Variants in KCNH8 observed in about 807,000 individuals in gnomAD.
KCNH8 encodes the protein potassium voltage-gated channel subfamily H member 8, also known as voltage-gated delayed rectifier potassium channel KCNH8.
Under a neutral mutation model 103.6 loss-of-function variants are expected in KCNH8, and 70 were observed. That is an observed-to-expected ratio of 0.68 (90% CI 0.56 to 0.82). KCNH8 has a LOEUF of 0.82. Among genes scored for constraint, KCNH8 ranks in the 40% least tolerant of loss-of-function variants. KCNH8 has a pLI of 0.00. For synonymous variants in KCNH8, 498 were observed against 489.4 expected (o/e 1.02, Z -0.23); for missense variants, 1,217 against 1,329.9 (o/e 0.92, Z 1.32).
intron 11 of KCNH8, among the ~76,000 whole-genome samples, chr3:19,472,887 C>G (rs1283873566): frequency 1.3e-5 from 2 of 152,106 alleles, no homozygotes; most frequent in African/African-American, 4.8e-5. Flanking sequence ...CTATTGTCAA[C>G]TGAATATTTA....
chr3:19,360,036 T>G (rs183400799), intron 5 of KCNH8, among the ~76,000 whole-genome samples: 2 of 152,136 alleles, frequency 1.3e-5, no homozygotes, highest in Admixed American at 1.3e-4. Context: ...GTTAAGTGAT[T>G]ACTCCAGAAT....
intron 11 of KCNH8, among the ~76,000 whole-genome samples, chr3:19,463,177 T>C (rs1045267944): frequency 6.6e-6 from 1 of 152,152 alleles, no homozygotes; most frequent in Non-Finnish European, 1.5e-5. Context: ...GCTTAGAGCA[T>C]CTGAGGATTT....
intron 5 of KCNH8, among the ~76,000 whole-genome samples, chr3:19,365,792 G>A (rs1174618930): frequency 6.6e-6 from 1 of 151,992 alleles, no homozygotes; most frequent in Non-Finnish European, 1.5e-5. Context: ...GAAAAATAAA[G>A]CAAAGAAGGG....
At chr3:19,354,726 T>C (rs2065854712) in intron 5 of KCNH8, among the ~76,000 whole-genome samples, 1 of 152,112 alleles carries the variant, frequency 6.6e-6, no homozygotes, top group Admixed American at 6.6e-5. Flanking sequence ...ATACAAAAAT[T>C]AATTCAAGAT....
chr3:19,410,452 A>C (rs571697923), intron 7 of KCNH8, among the ~76,000 whole-genome samples: 11 of 152,294 alleles, frequency 7.2e-5, no homozygotes, highest in African/African-American at 2.6e-4. Flanking sequence ...AAAATATCTC[A>C]TTTTAACAAT....
chr3:19,423,649 T>TGC (rs747087938), intron 7 of KCNH8, among the ~76,000 whole-genome samples: 38 of 151,938 alleles, frequency 2.5e-4, no homozygotes, highest in Non-Finnish European at 3.8e-4. Flanking sequence ...TGTGTGTGTG[T>TGC]GTGTGTGTCA....
At chr3:19,158,965 C>T (rs185125119) in intron 1 of KCNH8, among the ~76,000 whole-genome samples, 1 of 151,720 alleles carries the variant, frequency 6.6e-6, no homozygotes, top group East Asian at 1.9e-4. Flanking sequence ...TAAAGAAAAC[C>T]CTTCTCCTTC....
At chr3:19,383,776 T>C (rs2066319338) in intron 5 of KCNH8, among the ~76,000 whole-genome samples, 1 of 152,176 alleles carries the variant, frequency 6.6e-6, no homozygotes, top group Admixed American at 6.5e-5. Flanking sequence ...GATTGAATAT[T>C]ATAGATTAGA....
chr3:19,219,738 C>T (rs1193747091), intron 1 of KCNH8, among the ~76,000 whole-genome samples: 1 of 152,112 alleles, frequency 6.6e-6, no homozygotes, highest in African/African-American at 2.4e-5. Context: ...TCTCTTCCTA[C>T]AGAGTGGAAC....
At chr3:19,420,966 T>G (rs551284579) in intron 7 of KCNH8, among the ~76,000 whole-genome samples, 153 of 152,272 alleles carry the variant, frequency 1.0e-3, no homozygotes, top group African/African-American at 3.5e-3. Flanking sequence ...TGTGTGTGTG[T>G]GTGTACACAT....
chr3:19,331,867 C>T (rs1269087580), intron 3 of KCNH8, among the ~76,000 whole-genome samples: 3 of 152,074 alleles, frequency 2.0e-5, no homozygotes, highest in Non-Finnish European at 2.9e-5. Flanking sequence ...TTGTGTACCA[C>T]GGTGAGTCTT....
chr3:19,494,164 C>CAGG (rs1254714230), intron 11 of KCNH8, among the ~76,000 whole-genome samples: 3 of 152,182 alleles, frequency 2.0e-5, no homozygotes, highest in Non-Finnish European at 2.9e-5. Context: ...CTGCAAAGGG[C>CAGG]AGGAGCTCAT....
intron 7 of KCNH8, among the ~76,000 whole-genome samples, chr3:19,420,673 T>C (rs545881151): frequency 6.6e-6 from 1 of 152,276 alleles, no homozygotes; most frequent in South Asian, 2.1e-4. Flanking sequence ...GATTTACAAG[T>C]GACAGCACAT....
chr3:19,510,093 T>C (rs2068758268), intron 11 of KCNH8, among the ~76,000 whole-genome samples: 1 of 152,166 alleles, frequency 6.6e-6, no homozygotes. Context: ...TGTGGTATCC[T>C]GTGGTAGACA....
At chr3:19,342,491 A>T (rs1575541283) in intron 3 of KCNH8, 96 bp from the exon 4 acceptor site, 4 of 1,229,280 alleles carry the variant, frequency 3.3e-6, no homozygotes, top group Non-Finnish European at 4.4e-6. Flanking sequence ...ATTGGAAAAC[A>T]TGTACAATAT....
At chr3:19,502,771 T>C (rs2068613798) in intron 11 of KCNH8, among the ~76,000 whole-genome samples, 1 of 148,316 alleles carries the variant, frequency 6.7e-6, no homozygotes, top group Non-Finnish European at 1.5e-5. Context: ...TATACAAAAA[T>C]CAATTCAAGA....
intron 3 of KCNH8, among the ~76,000 whole-genome samples, chr3:19,310,508 A>G (rs2065194246): frequency 6.6e-6 from 1 of 151,910 alleles, no homozygotes; most frequent in East Asian, 1.9e-4. Context: ...GGATTTTCAT[A>G]ACTTGAGAAT....
chr3:19,490,303 G>A (rs1169665258), intron 11 of KCNH8, among the ~76,000 whole-genome samples: 1 of 152,190 alleles, frequency 6.6e-6, no homozygotes, highest in Non-Finnish European at 1.5e-5. Flanking sequence ...TTATTCAACT[G>A]GGAGCATCTG....
At chr3:19,400,698 T>C (rs2066599826) in intron 7 of KCNH8, among the ~76,000 whole-genome samples, 5 of 152,010 alleles carry the variant, frequency 3.3e-5, no homozygotes, top group Admixed American at 3.3e-4. Context: ...AAATTTTCAT[T>C]GACAATTTTA....
Sources: gnomAD v4.1 joint callset for allele counts (sites outside exome capture counted in the v4.1 genomes callset) on GRCh38, gnomAD v4.1.1 for gene constraint, MANE v1.5 for transcripts, NCBI Gene and HGNC (gene_info 2026-07-23, HGNC 2026-07-21) for gene names.